LMNTD1: variants seen among roughly 807,000 people sequenced by gnomAD.
LMNTD1 encodes the protein lamin tail domain containing 1.
A neutral mutation model predicts 50.9 loss-of-function variants in LMNTD1; 35 were observed. The observed-to-expected ratio is 0.69, with a 90% CI of 0.53 to 0.91. The LOEUF is 0.91. LMNTD1 is among the 40% of genes least tolerant of loss of function. The pLI is 0.00. For synonymous variants in LMNTD1, 153 were observed against 161.9 expected (o/e 0.94, Z 0.42); for missense variants, 470 against 475.5 (o/e 0.99, Z 0.11).
intron 9 of LMNTD1, among the ~76,000 whole-genome samples, chr12:25,477,436 T>C (rs1353053540): frequency 1.3e-5 from 2 of 152,128 alleles, no homozygotes; most frequent in Non-Finnish European, 2.9e-5. Context: ...AGAAAGTGAC[T>C]CTTTCCCCTG....
intron 1 of LMNTD1, among the ~76,000 whole-genome samples, chr12:25,621,605 C>T (rs1946474269): frequency 6.6e-6 from 1 of 152,100 alleles, no homozygotes; most frequent in Non-Finnish European, 1.5e-5. Context: ...TGACCAACAC[C>T]TCCTCATATT....
intron 1 of LMNTD1, among the ~76,000 whole-genome samples, chr12:25,613,019 C>A (rs553630247): frequency 2.0e-5 from 3 of 152,090 alleles, no homozygotes; most frequent in Non-Finnish European, 4.4e-5. Flanking sequence ...TGTCATGAGC[C>A]ATGGAACGAG....
intron 5 of LMNTD1, 27 bp downstream of exon 5, chr12:25,526,742 G>T: frequency 6.7e-7 from 1 of 1,486,550 alleles, no homozygotes; most frequent in Non-Finnish European, 9.2e-7. Flanking sequence ...CAATTCTAAT[G>T]TACAGTATTT....
At chr12:25,483,667 G>A (rs759419625) in intron 9 of LMNTD1, among the ~76,000 whole-genome samples, 4 of 151,632 alleles carry the variant, frequency 2.6e-5, no homozygotes, top group African/African-American at 4.9e-5. Context: ...AGCTACTCAA[G>A]AGGCTGAGGT....
At chr12:25,553,834 G>A (rs141332031), upstream of LMNTD1, among the ~76,000 whole-genome samples, 69 of 152,152 alleles carry the variant, frequency 4.5e-4, no homozygotes, top group African/African-American at 1.6e-3. Flanking sequence ...ATTATATACA[G>A]TAATAAGATA....
At chr12:25,601,016 C>T (rs1281754539) in intron 1 of LMNTD1, among the ~76,000 whole-genome samples, 1 of 151,934 alleles carries the variant, frequency 6.6e-6, no homozygotes, top group Non-Finnish European at 1.5e-5. Context: ...TGTTGGAGCA[C>T]TGTTCACAAT....
upstream of LMNTD1, among the ~76,000 whole-genome samples, chr12:25,555,308 C>T (rs1943996045): frequency 6.6e-6 from 1 of 152,070 alleles, no homozygotes; most frequent in Non-Finnish European, 1.5e-5. Flanking sequence ...GTTGATACAA[C>T]TTATTGGACA....
chr12:25,600,175 G>T (rs1592090875), intron 1 of LMNTD1, among the ~76,000 whole-genome samples: 1 of 151,940 alleles, frequency 6.6e-6, no homozygotes, highest in African/African-American at 2.4e-5. Context: ...TTTGAAAAAG[G>T]TGCCAAGAAC....
At chr12:25,634,298 A>G (rs1257611445) in intron 1 of LMNTD1, among the ~76,000 whole-genome samples, 2 of 152,228 alleles carry the variant, frequency 1.3e-5, no homozygotes, top group Non-Finnish European at 2.9e-5. Flanking sequence ...CTATTCCACA[A>G]GGTAGAGAAA....
intron 1 of LMNTD1, among the ~76,000 whole-genome samples, chr12:25,588,392 G>C (rs960920123): frequency 1.6e-4 from 24 of 152,034 alleles, no homozygotes; most frequent in African/African-American, 5.8e-4. Flanking sequence ...CCAAGCTGTA[G>C]GGCTAAAATA....
chr12:25,571,433 G>A (rs1388930562), intron 1 of LMNTD1, among the ~76,000 whole-genome samples: 1 of 151,686 alleles, frequency 6.6e-6, no homozygotes, highest in Admixed American at 6.6e-5. Context: ...GTGCGATCTC[G>A]GCTCACTGCA....
At chr12:25,505,154 T>G (rs1939650278) in intron 8 of LMNTD1, among the ~76,000 whole-genome samples, 1 of 152,120 alleles carries the variant, frequency 6.6e-6, no homozygotes, top group Admixed American at 6.6e-5. Context: ...AGTGGTGGTG[T>G]CTGTCTGTTT....
chr12:25,594,164 C>T (rs1308528638), intron 1 of LMNTD1, among the ~76,000 whole-genome samples: 4 of 152,142 alleles, frequency 2.6e-5, no homozygotes, highest in Non-Finnish European at 2.9e-5. Flanking sequence ...AGGAAAATTT[C>T]CCCAGCCTTG....
chr12:25,508,014 T>G (rs902959161), intron 8 of LMNTD1, among the ~76,000 whole-genome samples: 3 of 146,864 alleles, frequency 2.0e-5, no homozygotes, highest in South Asian at 2.2e-4. Context: ...CATCAACGTG[T>G]TTTTTTTTTT....
chr12:25,507,847 A>G (rs1390106580), intron 8 of LMNTD1, among the ~76,000 whole-genome samples: 1 of 152,240 alleles, frequency 6.6e-6, no homozygotes, highest in African/African-American at 2.4e-5. Flanking sequence ...TTTCTCTGCT[A>G]TGAGGTATTT....
chr12:25,607,045 G>T (rs1350494367), intron 1 of LMNTD1, among the ~76,000 whole-genome samples: 1 of 152,006 alleles, frequency 6.6e-6, no homozygotes, highest in Non-Finnish European at 1.5e-5. Context: ...TCCACTTCTT[G>T]CTGGTTTAGT....
intron 1 of LMNTD1, among the ~76,000 whole-genome samples, chr12:25,626,136 T>C (rs1946584118): frequency 6.6e-6 from 1 of 152,206 alleles, no homozygotes; most frequent in Non-Finnish European, 1.5e-5. Flanking sequence ...TAAAACAATG[T>C]GTCAGAAAAA....
intron 1 of LMNTD1, among the ~76,000 whole-genome samples, chr12:25,619,180 G>A (rs1007966795): frequency 6.7e-6 from 1 of 149,002 alleles, no homozygotes; most frequent in Non-Finnish European, 1.5e-5. Flanking sequence ...TATATCTGTA[G>A]AAGTAGAATT....
chr12:25,629,928 G>A (rs1281539937), intron 1 of LMNTD1, among the ~76,000 whole-genome samples: 2 of 152,130 alleles, frequency 1.3e-5, no homozygotes, highest in African/African-American at 4.8e-5. Context: ...ACTAATTTGT[G>A]ACCCAGGACA....
Sources: allele counts gnomAD v4.1 joint callset (sites outside exome capture counted in the v4.1 genomes callset), GRCh38; gene constraint gnomAD v4.1.1; transcripts MANE v1.5; gene names NCBI Gene and HGNC (gene_info 2026-07-23, HGNC 2026-07-21).